Variants in GBE1 observed in about 807,000 individuals in gnomAD.
GBE1 encodes the protein 1,4-alpha-glucan branching enzyme 1, also known as 1,4-alpha-glucan-branching enzyme.
A neutral mutation model predicts 88.8 loss-of-function variants in GBE1; 70 were observed. That is an observed-to-expected ratio of 0.79 (90% confidence interval 0.65 to 0.96). The LOEUF (loss-of-function observed/expected upper bound fraction) is 0.96. Among genes scored for constraint, GBE1 ranks in the 40% least tolerant of loss-of-function variants. GBE1 has a pLI of 0.00. For synonymous variants in GBE1, 284 were observed against 300.1 expected (o/e 0.95, Z 0.56); for missense variants, 872 against 871.0 (o/e 1.00, Z -0.01).
chr3:81,542,016 TTTC>T, intron 12 of GBE1, among the ~76,000 whole-genome samples: 1 of 152,198 alleles, frequency 6.6e-6, no homozygotes, highest in Middle Eastern at 3.4e-3. Flanking sequence ...ATAATCTGTT[TTTC>T]TTTTGATAAA....
intron 7 of GBE1, among the ~76,000 whole-genome samples, chr3:81,604,200 C>T (rs936770549): frequency 6.6e-6 from 1 of 151,376 alleles, no homozygotes; most frequent in Non-Finnish European, 1.5e-5. Context: ...ATATTAGTTT[C>T]AAACAAACTG....
chr3:81,655,957 A>G (rs1218704717), intron 3 of GBE1, among the ~76,000 whole-genome samples: 2 of 152,298 alleles, frequency 1.3e-5, no homozygotes, highest in East Asian at 3.9e-4. Context: ...TTTCAACCAA[A>G]CTAATCTTTC....
chr3:81,644,035 AC>A (rs1704729742), intron 6 of GBE1, among the ~76,000 whole-genome samples: 2 of 152,052 alleles, frequency 1.3e-5, no homozygotes, highest in Admixed American at 1.3e-4. Context: ...TCAATAATAA[AC>A]AGCCTTAAAG....
chr3:81,647,702 G>C (rs979836804), intron 5 of GBE1, among the ~76,000 whole-genome samples: 4 of 152,084 alleles, frequency 2.6e-5, no homozygotes, highest in Non-Finnish European at 5.9e-5. Context: ...GTTTATATAA[G>C]CTCATTGTTA....
intron 14 of GBE1, among the ~76,000 whole-genome samples, chr3:81,503,519 T>C (rs1047121588): frequency 3.9e-5 from 6 of 151,964 alleles, no homozygotes; most frequent in African/African-American, 1.5e-4. Flanking sequence ...CTAACAACAG[T>C]CCAAGGATAG....
intron 7 of GBE1, among the ~76,000 whole-genome samples, chr3:81,595,498 G>C (rs1703945005): frequency 5.9e-5 from 9 of 151,834 alleles, no homozygotes; most frequent in Admixed American, 5.9e-4. Context: ...TAACAAGTTT[G>C]CTATATGAGA....
At chr3:81,652,896 G>A (rs989456326) in intron 3 of GBE1, among the ~76,000 whole-genome samples, 2 of 152,110 alleles carry the variant, frequency 1.3e-5, no homozygotes, top group Admixed American at 6.6e-5. Flanking sequence ...CTGCATTTGT[G>A]TTATGCTCCA....
At chr3:81,728,049 T>C (rs1242220972) in intron 1 of GBE1, among the ~76,000 whole-genome samples, 1 of 152,136 alleles carries the variant, frequency 6.6e-6, no homozygotes, top group Non-Finnish European at 1.5e-5. Context: ...ATTGGTTGCC[T>C]GGCAGTACCT....
chr3:81,761,096 C>G (rs1706675019), intron 1 of GBE1, among the ~76,000 whole-genome samples: 1 of 152,248 alleles, frequency 6.6e-6, no homozygotes, highest in East Asian at 1.9e-4. Context: ...AGCCACAGCA[C>G]GTACCCTATG....
intron 3 of GBE1, among the ~76,000 whole-genome samples, chr3:81,656,789 C>G (rs907388488): frequency 6.6e-6 from 1 of 152,132 alleles, no homozygotes; most frequent in Non-Finnish European, 1.5e-5. Flanking sequence ...GTCTCCTTGA[C>G]GATTCCCAGG....
intron 14 of GBE1, among the ~76,000 whole-genome samples, chr3:81,507,336 G>A (rs1051333349): frequency 4.6e-5 from 7 of 152,024 alleles, no homozygotes; most frequent in Admixed American, 1.3e-4. Context: ...AGGCCGAGGC[G>A]GGCAGATCAC....
chr3:81,732,719 TC>T (rs1348918077), intron 1 of GBE1, among the ~76,000 whole-genome samples: 2 of 152,166 alleles, frequency 1.3e-5, no homozygotes, highest in Non-Finnish European at 2.9e-5. Context: ...CCTGTTTACA[TC>T]CTTGCCTCCT....
chr3:81,750,611 A>ATG (rs1553696601), intron 1 of GBE1, among the ~76,000 whole-genome samples: 647 of 59,512 alleles, frequency 0.011, 56 homozygotes, highest in African/African-American at 0.027. Context: ...GTGTATATAT[A>ATG]TATATGTATA....
chr3:81,672,764 C>G (rs1231103799), intron 2 of GBE1, among the ~76,000 whole-genome samples: 1 of 151,810 alleles, frequency 6.6e-6, no homozygotes, highest in African/African-American at 2.4e-5. Flanking sequence ...TATTTCATGG[C>G]ATTAACAAAA....
At chr3:81,560,922 A>C (rs1315754612) in intron 12 of GBE1, among the ~76,000 whole-genome samples, 6 of 152,042 alleles carry the variant, frequency 3.9e-5, no homozygotes, top group Non-Finnish European at 4.4e-5. Flanking sequence ...GCATTTCTAC[A>C]GAACTGTTTA....
At chr3:81,633,864 T>C (rs1262415208) in intron 7 of GBE1, among the ~76,000 whole-genome samples, 1 of 152,196 alleles carries the variant, frequency 6.6e-6, no homozygotes, top group Non-Finnish European at 1.5e-5. Flanking sequence ...ATAGCCTTAG[T>C]GACTGGTTTT....
At chr3:81,619,298 T>C (rs944883248) in intron 7 of GBE1, among the ~76,000 whole-genome samples, 8 of 152,262 alleles carry the variant, frequency 5.3e-5, no homozygotes, top group Admixed American at 2.6e-4. Flanking sequence ...TAAATATATC[T>C]ACACATACAT....
At chr3:81,731,484 A>G (rs551017222) in intron 1 of GBE1, among the ~76,000 whole-genome samples, 1 of 151,984 alleles carries the variant, frequency 6.6e-6, no homozygotes, top group African/African-American at 2.4e-5. Flanking sequence ...ATAAATTAAT[A>G]CTCCTTAGAT....
chr3:81,667,859 T>C (rs1230641014), intron 3 of GBE1, among the ~76,000 whole-genome samples: 1 of 152,164 alleles, frequency 6.6e-6, no homozygotes, highest in Non-Finnish European at 1.5e-5. Flanking sequence ...CCGTATTTTA[T>C]TGAGGACTTT....
Sources: gnomAD v4.1 joint callset for allele counts (sites outside exome capture counted in the v4.1 genomes callset) on GRCh38, gnomAD v4.1.1 for gene constraint, MANE v1.5 for transcripts, NCBI Gene and HGNC (gene_info 2026-07-23, HGNC 2026-07-21) for gene names.